Variants in RNF13 observed in about 807,000 individuals in gnomAD.
RNF13 encodes the protein E3 ubiquitin-protein ligase RNF13.
Under a neutral mutation model 37.7 loss-of-function variants are expected in RNF13, and 19 were observed. The observed-to-expected ratio is 0.50, with a 90% CI of 0.35 to 0.74. The LOEUF (loss-of-function observed/expected upper bound fraction) is 0.74, where lower values mean the gene tolerates loss of function less well. RNF13 is among the 30% of genes least tolerant of loss of function. The pLI is 0.01. For synonymous variants in RNF13, 144 were observed against 157.8 expected (o/e 0.91, Z 0.65); for missense variants, 375 against 453.0 (o/e 0.83, Z 1.56).
At chr3:149,883,987 T>C (rs1713723726) in intron 4 of RNF13, among the ~76,000 whole-genome samples, 1 of 152,208 alleles carries the variant, frequency 6.6e-6, no homozygotes, top group Admixed American at 6.5e-5. Context: ...TTGCCAAGGA[T>C]AACGGCATCC....
intron 1 of RNF13, among the ~76,000 whole-genome samples, chr3:149,827,848 G>T (rs1023309056): frequency 5.9e-5 from 9 of 152,104 alleles, no homozygotes; most frequent in African/African-American, 2.2e-4. Flanking sequence ...GGTGGCTCAT[G>T]CCTGTTATCC....
intron 1 of RNF13, among the ~76,000 whole-genome samples, chr3:149,831,570 A>C (rs892131645): frequency 3.3e-5 from 5 of 152,136 alleles, no homozygotes; most frequent in African/African-American, 1.2e-4. Context: ...TCTAGGAAAT[A>C]ATTAACTTGC....
rs766839142 is a variant in RNF13 at position 149,928,004 on chromosome 3, CTT to C, written c.700+6795_700+6796del. 2.9e-3 allele frequency among the ~76,000 whole-genome samples: 327 copies of C among 111,186 alleles called. 1 individual carries two copies. Among genetic ancestry groups the C allele is most frequent in the South Asian group, 9.6e-3 (32 of 3,318 alleles). The allele number at this position is 111,186 out of a possible 152,430, so 72.9% of individuals were successfully genotyped here. Reference sequence around the variant, plus strand: ...TATGATATGAAGCATAAGCAAAAACCTTTTTTTTTTTTTTTTTTTGCTTGTGA... The same window carrying C: ...TATGATATGAAGCATAAGCAAAAACCTTTTTTTTTTTTTTTTTGCTTGTGA... On this transcript the variant is annotated intron_variant, in intron 8 of 9. Transcript: ENST00000392894.
chr3:149,887,161 A>C (rs1714134534), intron 4 of RNF13, among the ~76,000 whole-genome samples: 2 of 152,208 alleles, frequency 1.3e-5, no homozygotes. Flanking sequence ...GAGTCTGTGC[A>C]CTAGGAGTAG....
chr3:149,852,447 A>C, intron 2 of RNF13, 69 bp from the exon 3 acceptor site: 1 of 622,008 alleles, frequency 1.6e-6, no homozygotes, highest in East Asian at 3.1e-5. Flanking sequence ...TACATAATTA[A>C]ATAAGTCTTT....
At chr3:149,828,564 T>G (rs1720721772) in intron 1 of RNF13, among the ~76,000 whole-genome samples, 1 of 152,226 alleles carries the variant, frequency 6.6e-6, no homozygotes, top group Non-Finnish European at 1.5e-5. Flanking sequence ...CTTTTTCTTG[T>G]TTGCTGTGTG....
chr3:149,875,771 A>G (rs930732005), intron 4 of RNF13, among the ~76,000 whole-genome samples: 1 of 152,206 alleles, frequency 6.6e-6, no homozygotes, highest in Non-Finnish European at 1.5e-5. Context: ...CATGTCAGGT[A>G]CTTATTCTAA....
At chr3:149,896,003 G>C (rs545595489) in intron 5 of RNF13, among the ~76,000 whole-genome samples, 2 of 152,010 alleles carry the variant, frequency 1.3e-5, no homozygotes, top group South Asian at 4.1e-4. Context: ...TCATACATTG[G>C]TATGTTCATA....
chr3:149,882,592 C>G (rs777756402), intron 4 of RNF13, among the ~76,000 whole-genome samples: 2 of 152,032 alleles, frequency 1.3e-5, no homozygotes, highest in African/African-American at 2.4e-5. Context: ...AGCATGAAAA[C>G]AGATCTTTTG....
chr3:149,884,240 G>T (rs1713756257), intron 4 of RNF13, among the ~76,000 whole-genome samples: 2 of 152,116 alleles, frequency 1.3e-5, no homozygotes, highest in Non-Finnish European at 2.9e-5. Flanking sequence ...GTGGCTGGCA[G>T]TAAGTTACTT....
intron 8 of RNF13, among the ~76,000 whole-genome samples, chr3:149,941,644 G>T (rs747136873): frequency 1.3e-5 from 2 of 150,652 alleles, no homozygotes; most frequent in Non-Finnish European, 3.0e-5. Flanking sequence ...TCCATAAGCT[G>T]CCCCTTCACT....
At chr3:149,836,804 A>G (rs1721671664) in intron 1 of RNF13, among the ~76,000 whole-genome samples, 1 of 152,196 alleles carries the variant, frequency 6.6e-6, no homozygotes, top group Admixed American at 6.5e-5. Context: ...CATATAATGG[A>G]ATATTACTCA....
chr3:149,955,041 T>C (rs914516479), intron 8 of RNF13, among the ~76,000 whole-genome samples: 1 of 152,160 alleles, frequency 6.6e-6, no homozygotes, highest in Non-Finnish European at 1.5e-5. Flanking sequence ...CCTTGCCCCA[T>C]TAGTATGTTA....
At chr3:149,920,228 G>A (rs1717978848) in intron 7 of RNF13, among the ~76,000 whole-genome samples, 2 of 151,830 alleles carry the variant, frequency 1.3e-5, no homozygotes, top group South Asian at 4.1e-4. Flanking sequence ...TTTTATTTAT[G>A]TATTCATTTA....
At position 149,854,606 on chromosome 3, in the gene RNF13, T is replaced by C. The variant is rs571595638; in HGVS notation, c.195+2010T>C. Among the ~76,000 whole-genome samples, 494 of 152,294 alleles carry C rather than the reference T, an allele frequency of 3.2e-3. 1 individual carries two copies. The highest frequency in any genetic ancestry group is 0.015 in the South Asian group (74 of 4,822). On this transcript the variant is annotated intron_variant, in intron 3 of 9. Coordinates refer to ENST00000392894, the MANE Select transcript of RNF13 (RefSeq NM_183381.3). ...CCTGGACAGGCAGTTTCTAAACTGT[T>C]ACAGGAATAAAACCCAGAACCACCT...
Position 149,960,151 on chromosome 3 carries a change from G to C in RNF13, c.781+15G>C, listed in dbSNP as rs370881979. The C allele has an allele frequency of 3.0e-5, 45 of 1,492,274 alleles. No individual in the cohort carries two copies. The highest frequency in any genetic ancestry group is 4.1e-5 in the Non-Finnish European group (44 of 1,071,264). The allele number at this position is 1,492,274 out of a possible 1,614,324, so 92.4% of individuals were successfully genotyped here. A position where few individuals can be genotyped will look rare whatever the true frequency, so the allele number is the denominator to read the frequency against. ...CTGTTCCCATGGTATGAGTAATTAC[G>C]TACTGCTTTGAATTTACATATAGTA... On this transcript the variant is annotated intron_variant, in intron 9 of 9. Coordinates refer to ENST00000392894, the MANE Select transcript of RNF13 (RefSeq NM_183381.3).
At chr3:149,872,630 TAA>T (rs1287169358) in intron 4 of RNF13, among the ~76,000 whole-genome samples, 1 of 152,216 alleles carries the variant, frequency 6.6e-6, no homozygotes, top group Non-Finnish European at 1.5e-5. Flanking sequence ...TATGGTTTTT[TAA>T]AGTCTGTTTT....
chr3:149,877,268 T>A (rs545735889), intron 4 of RNF13, among the ~76,000 whole-genome samples: 4 of 152,202 alleles, frequency 2.6e-5, no homozygotes, highest in African/African-American at 9.6e-5. Flanking sequence ...GTGAATAGAT[T>A]AGAGCCTAAA....
chr3:149,909,442 A>AT (rs35918938), intron 6 of RNF13, among the ~76,000 whole-genome samples: 86,530 of 114,456 alleles, frequency 0.76, 33,033 homozygotes, highest in East Asian at 0.87. Flanking sequence ...TGCCTGGTTA[A>AT]TTTTTTTTTT....
Sources: gnomAD v4.1 joint callset for allele counts (sites outside exome capture counted in the v4.1 genomes callset) on GRCh38, gnomAD v4.1.1 for gene constraint, MANE v1.5 for transcripts, NCBI Gene and HGNC (gene_info 2026-07-23, HGNC 2026-07-21) for gene names.